Variants in WASF3 observed in about 807,000 individuals in gnomAD.
WASF3 encodes the protein actin-binding protein WASF3.
In WASF3, 11 loss-of-function variants were observed where a neutral mutation model predicts 46.6. The observed-to-expected ratio is 0.24, with a 90% CI of 0.15 to 0.39. The LOEUF (loss-of-function observed/expected upper bound fraction) is 0.39, where lower values mean the gene tolerates loss of function less well. Among genes scored for constraint, WASF3 ranks in the 10% least tolerant of loss-of-function variants. The pLI is 1.00. For synonymous variants in WASF3, 242 were observed against 259.7 expected (o/e 0.93, Z 0.65); for missense variants, 576 against 669.8 (o/e 0.86, Z 1.55).
intron 2 of WASF3, among the ~76,000 whole-genome samples, chr13:26,639,378 G>A (rs189981370): frequency 3.0e-4 from 46 of 152,316 alleles, no homozygotes; most frequent in Middle Eastern, 6.8e-3. Flanking sequence ...CCCAAGGGAA[G>A]GCCAAAGAGA....
At chr13:26,672,129 C>A (rs942307870) in intron 6 of WASF3, 140 bp downstream of exon 6, 1 of 651,554 alleles carries the variant, frequency 1.5e-6, no homozygotes, top group Non-Finnish European at 2.6e-6. Flanking sequence ...CACAAAAGAT[C>A]CTGACAATTC....
At position 26,608,463 on chromosome 13, in the gene WASF3, T is replaced by G. The variant is rs187685849; in HGVS notation, c.-108-4498T>G. Among the ~76,000 whole-genome samples the G allele has an allele frequency of 5.3e-5, 8 of 152,362 alleles. No homozygotes were observed. The East Asian group carries it at 1.5e-3, about 29-fold the overall frequency. On this transcript the variant is annotated intron_variant, in intron 1 of 9. Coordinates refer to ENST00000335327, the MANE Select transcript of WASF3 (RefSeq NM_006646.6). The stretch of plus-strand genomic sequence containing the variant: ...AGTGAATGTCAGCTAACGTTATTTT[T>G]GTTTTAGCTTACAGCAGTATCTCTT...
At chr13:26,584,222 T>A (rs1880064841) in intron 1 of WASF3, among the ~76,000 whole-genome samples, 1 of 152,208 alleles carries the variant, frequency 6.6e-6, no homozygotes, top group South Asian at 2.1e-4. Context: ...ATTTTCCTTT[T>A]CTTGGTGCTT....
chr13:26,618,255 T>G (rs1881195308), intron 2 of WASF3, among the ~76,000 whole-genome samples: 1 of 152,372 alleles, frequency 6.6e-6, no homozygotes, highest in Non-Finnish European at 1.5e-5. Context: ...GGTTTGTTAT[T>G]TATATATCCA....
rs146136166 is a variant in WASF3 at position 26,677,473 on chromosome 13, C to T, written c.716+749C>T. ...TAAAAATTTGAATAGAGAATTCTTA[C>T]AATATGTGATCAAGAATGTTTCAAA... On this transcript the variant is annotated intron_variant, in intron 7 of 9. Transcript: ENST00000335327. Among the ~76,000 whole-genome samples the T allele has an allele frequency of 8.5e-5, 13 of 152,306 alleles. 1 individual carries two copies. In the East Asian group the frequency reaches 2.5e-3, roughly 29 times the overall value.
At chr13:26,629,832 G>A (rs1396665393) in intron 2 of WASF3, among the ~76,000 whole-genome samples, 2 of 152,126 alleles carry the variant, frequency 1.3e-5, no homozygotes, top group African/African-American at 4.8e-5. Flanking sequence ...AGCTTTGCAT[G>A]CCTGGACCCC....
intron 2 of WASF3, among the ~76,000 whole-genome samples, chr13:26,636,499 G>T (rs543770276): frequency 1.3e-5 from 2 of 152,132 alleles, no homozygotes; most frequent in South Asian, 2.1e-4. Context: ...GCTTTGGCTC[G>T]CCCTCCATGG....
intron 9 of WASF3, among the ~76,000 whole-genome samples, chr13:26,683,454 C>CCTGTT (rs1883304296): frequency 6.7e-6 from 1 of 148,566 alleles, no homozygotes; most frequent in African/African-American, 2.5e-5. Context: ...CCAGCCTAGG[C>CCTGTT]GACAGAGCGA....
chr13:26,630,287 C>A (rs1287273439), intron 2 of WASF3, among the ~76,000 whole-genome samples: 3 of 152,102 alleles, frequency 2.0e-5, no homozygotes, highest in African/African-American at 7.2e-5. Flanking sequence ...TTAGGTATTT[C>A]TCCTAATGCT....
At chr13:26,549,251 A>T in the WASF3 span, among the ~76,000 whole-genome samples, 1 of 152,054 alleles carries the variant, frequency 6.6e-6, no homozygotes, top group African/African-American at 2.4e-5. Flanking sequence ...AAGTGTGTGG[A>T]TTACAGGCGT....
intron 2 of WASF3, among the ~76,000 whole-genome samples, chr13:26,631,944 G>A (rs1881663937): frequency 6.6e-6 from 1 of 152,130 alleles, no homozygotes; most frequent in Non-Finnish European, 1.5e-5. Flanking sequence ...ATTGTGAATG[G>A]GAGTTCACTC....
intron 1 of WASF3, among the ~76,000 whole-genome samples, chr13:26,609,011 C>T (rs1023817046): frequency 6.6e-6 from 1 of 152,266 alleles, no homozygotes; most frequent in African/African-American, 2.4e-5. Context: ...AGCTATATCT[C>T]GAGCTAGCTT....
chr13:26,661,730 A>G (rs1231688460), intron 3 of WASF3, among the ~76,000 whole-genome samples: 1 of 152,220 alleles, frequency 6.6e-6, no homozygotes, highest in East Asian at 1.9e-4. Flanking sequence ...CCAACAGCGC[A>G]CAGGGTTCCA....
At chr13:26,555,785 T>C (rs1370915229), upstream of WASF3, among the ~76,000 whole-genome samples, 1 of 152,220 alleles carries the variant, frequency 6.6e-6, no homozygotes, top group Admixed American at 6.5e-5. Flanking sequence ...GGTTTTGTGA[T>C]AAGAAGCACT....
intron 1 of WASF3, among the ~76,000 whole-genome samples, chr13:26,566,847 C>T (rs748266227): frequency 2.0e-5 from 3 of 152,254 alleles, no homozygotes; most frequent in African/African-American, 7.2e-5. Context: ...CATAACTAGT[C>T]TCTACCCCAG....
the WASF3 span, among the ~76,000 whole-genome samples, chr13:26,552,557 G>T: frequency 1.3e-5 from 2 of 152,232 alleles, no homozygotes; most frequent in East Asian, 1.9e-4. Flanking sequence ...TGTTTATAAA[G>T]ATTTATATAT....
chr13:26,633,784 A>G (rs1042083197), intron 2 of WASF3, among the ~76,000 whole-genome samples: 20 of 152,164 alleles, frequency 1.3e-4, no homozygotes, highest in African/African-American at 4.6e-4. Flanking sequence ...TTCAGTTTCC[A>G]CACAGTTGTG....
At chr13:26,597,610 A>G (rs1880509632) in intron 1 of WASF3, among the ~76,000 whole-genome samples, 1 of 152,014 alleles carries the variant, frequency 6.6e-6, no homozygotes, top group South Asian at 2.1e-4. Context: ...TGTTAATGCT[A>G]TCCCTCTGCC....
chr13:26,676,334 G>A (rs1883067836), intron 6 of WASF3, among the ~76,000 whole-genome samples: 1 of 152,198 alleles, frequency 6.6e-6, no homozygotes, highest in African/African-American at 2.4e-5. Context: ...CTTAACAGTT[G>A]TAGCAGGGTA....
Sources: allele counts gnomAD v4.1 joint callset (sites outside exome capture counted in the v4.1 genomes callset), GRCh38; gene constraint gnomAD v4.1.1; transcripts MANE v1.5; gene names NCBI Gene and HGNC (gene_info 2026-07-23, HGNC 2026-07-21).